The following ZNF407 variants were observed in gnomAD, a reference collection of about 807,000 sequenced individuals.
The protein encoded by ZNF407 is zinc finger protein 407.
In ZNF407, 17 loss-of-function variants were observed where a neutral mutation model predicts 131.2. That is an observed-to-expected ratio of 0.13 (90% CI 0.09 to 0.19). The LOEUF (loss-of-function observed/expected upper bound fraction) is 0.19. Ranked by LOEUF, ZNF407 falls within the 10% of genes least tolerant of loss-of-function variation. The pLI is 1.00. For missense variants in ZNF407, 2,681 were observed against 2,830.6 expected (o/e 0.95, Z 1.20); for synonymous variants, 1,156 against 1,062.0 (o/e 1.09, Z -1.72).
chr18:75,025,714 C>T (rs1437407335), intron 8 of ZNF407, among the ~76,000 whole-genome samples: 1 of 152,160 alleles, frequency 6.6e-6, no homozygotes, highest in African/African-American at 2.4e-5. Flanking sequence ...ATTGGCTTCT[C>T]CTAATGCTAC....
chr18:74,821,146 A>G (rs1054943493), intron 4 of ZNF407, among the ~76,000 whole-genome samples: 2 of 151,876 alleles, frequency 1.3e-5, no homozygotes, highest in African/African-American at 4.8e-5. Flanking sequence ...GTGCAAAAGT[A>G]ATTGCTGTGT....
intron 8 of ZNF407, among the ~76,000 whole-genome samples, chr18:75,057,926 A>C (rs940948119): frequency 6.6e-6 from 1 of 152,118 alleles, no homozygotes; most frequent in South Asian, 2.1e-4. Flanking sequence ...ATTCGGGTTT[A>C]CTGCACAAAT....
rs764003972 is a variant in ZNF407 at position 74,632,976 on chromosome 18, A to G, written c.1957A>G (p.Asn653Asp). The G allele has an allele frequency of 6.2e-7, 1 of 1,613,774 alleles. No individual in the cohort carries two copies. The highest frequency in any genetic ancestry group is 8.5e-7 in the Non-Finnish European group (1 of 1,179,848). ...LVQPKTLQSS[N>D]SDLVLQTLPL... ...TCAACCAAAGACTTTGCAATCATCTAACAGTGATTTGGTTTTACAGACTTT... is the reference window on the plus strand; with the variant it reads ...TCAACCAAAGACTTTGCAATCATCTGACAGTGATTTGGTTTTACAGACTTT... The change falls in exon 2 of 9, where the codon AAC becomes GAC. Residue 653 changes from asparagine to aspartate, a missense_variant. Transcript: ENST00000299687.
At chr18:74,927,216 T>A (rs1189961332) in intron 8 of ZNF407, among the ~76,000 whole-genome samples, 37 of 152,248 alleles carry the variant, frequency 2.4e-4, no homozygotes, top group Non-Finnish European at 8.8e-5. Flanking sequence ...CAAGAGGTTA[T>A]GTTGCTTGAG....
intron 8 of ZNF407, among the ~76,000 whole-genome samples, chr18:74,971,631 C>T (rs1972473632): frequency 6.6e-6 from 1 of 152,168 alleles, no homozygotes; most frequent in South Asian, 2.1e-4. Flanking sequence ...CCTTATTTTC[C>T]TTATCGCTGT....
chr18:74,683,610 T>C (rs1028948504), intron 3 of ZNF407, among the ~76,000 whole-genome samples: 22 of 152,220 alleles, frequency 1.4e-4, no homozygotes, highest in Admixed American at 1.4e-3. Context: ...TTGTGTCCCT[T>C]GTGTGAATGA....
chr18:74,731,554 CTAAT>C (rs1249936039), intron 3 of ZNF407, among the ~76,000 whole-genome samples: 5 of 152,314 alleles, frequency 3.3e-5, no homozygotes, highest in East Asian at 1.9e-4. Flanking sequence ...TTTTCAATGA[CTAAT>C]TAGGAGTAAT....
At chr18:74,986,083 C>T (rs1972649314) in intron 8 of ZNF407, among the ~76,000 whole-genome samples, 1 of 152,228 alleles carries the variant, frequency 6.6e-6, no homozygotes, top group African/African-American at 2.4e-5. Context: ...CTCCATGTCA[C>T]TGTGTGTCCT....
chr18:75,029,217 A>G (rs999961829), intron 8 of ZNF407, among the ~76,000 whole-genome samples: 1 of 152,240 alleles, frequency 6.6e-6, no homozygotes, highest in African/African-American at 2.4e-5. Context: ...TGAATAAGGT[A>G]AAGTTCAGAA....
intron 3 of ZNF407, among the ~76,000 whole-genome samples, chr18:74,754,337 CTCT>C (rs1404158909): frequency 2.2e-4 from 34 of 152,172 alleles, no homozygotes; most frequent in African/African-American, 8.2e-4. Flanking sequence ...TTTTTTGTGT[CTCT>C]TATTTCCTTC....
intron 8 of ZNF407, among the ~76,000 whole-genome samples, chr18:75,030,083 G>C (rs910447778): frequency 2.0e-5 from 3 of 152,096 alleles, no homozygotes; most frequent in Middle Eastern, 3.2e-3. Context: ...TTCCTGGGAG[G>C]AAAGTTCATT....
chr18:74,615,499 G>A (rs77124980), intron 1 of ZNF407, among the ~76,000 whole-genome samples: 4,521 of 152,216 alleles, frequency 0.03, 201 homozygotes, highest in African/African-American at 0.097. Flanking sequence ...GTGAGACTCC[G>A]TCTTAAAAAA....
At chr18:74,639,174 C>T (rs1984596402) in intron 2 of ZNF407, among the ~76,000 whole-genome samples, 1 of 152,110 alleles carries the variant, frequency 6.6e-6, no homozygotes, top group Non-Finnish European at 1.5e-5. Context: ...CACCAGAGAC[C>T]CCACGTCCCT....
chr18:74,895,573 A>G (rs934715218), intron 7 of ZNF407, among the ~76,000 whole-genome samples: 1 of 152,228 alleles, frequency 6.6e-6, no homozygotes, highest in African/African-American at 2.4e-5. Context: ...AATTGTATTT[A>G]TAATTTTCAT....
intron 1 of ZNF407, among the ~76,000 whole-genome samples, chr18:74,609,205 G>T (rs1032413081): frequency 1.3e-5 from 2 of 152,124 alleles, no homozygotes; most frequent in African/African-American, 4.8e-5. Flanking sequence ...TTTTGCTGTG[G>T]TTCTGCACTC....
At chr18:75,032,062 A>G (rs1261118772) in intron 8 of ZNF407, among the ~76,000 whole-genome samples, 1 of 152,248 alleles carries the variant, frequency 6.6e-6, no homozygotes, top group African/African-American at 2.4e-5. Context: ...AGTAGAAGCC[A>G]GAATAGAAGT....
chr18:74,773,253 G>A (rs1969398407), intron 3 of ZNF407, among the ~76,000 whole-genome samples: 1 of 151,666 alleles, frequency 6.6e-6, no homozygotes, highest in South Asian at 2.1e-4. Context: ...GATCAGAAGT[G>A]GTTTGGAACT....
chr18:74,919,559 A>T lies in ZNF407; in HGVS notation c.5250-955A>T, dbSNP rs550331006. ...ACATATTGCTCTATTTTCTTCTGGC[A>T]TTTAATTTTGGTCTGTAGGAAGTCT... On this transcript the variant is annotated intron_variant, in intron 7 of 8. Transcript: ENST00000299687. 2.4e-4 allele frequency among the ~76,000 whole-genome samples: 36 copies of T among 152,276 alleles called. No individual in the cohort carries two copies. In the South Asian group the frequency reaches 6.2e-3, roughly 26 times the overall value.
At chr18:74,713,929 A>T (rs1967831012) in intron 3 of ZNF407, among the ~76,000 whole-genome samples, 1 of 152,192 alleles carries the variant, frequency 6.6e-6, no homozygotes, top group African/African-American at 2.4e-5. Context: ...TAAAAGGCTT[A>T]TGTTTGTATG....
Sources: gnomAD v4.1 joint callset for allele counts (sites outside exome capture counted in the v4.1 genomes callset) on GRCh38, gnomAD v4.1.1 for gene constraint, MANE v1.5 for transcripts, NCBI Gene and HGNC (gene_info 2026-07-23, HGNC 2026-07-21) for gene names.